The following OR1L6 variants were observed in gnomAD, a reference collection of about 807,000 sequenced individuals.
OR1L6 encodes olfactory receptor 1L6.
A neutral mutation model predicts 3.0 loss-of-function variants in OR1L6; 2 were observed. The ratio of observed to expected loss-of-function variants is 0.68; its 90% CI spans 0.28 to 2.13. OR1L6 has a LOEUF of 2.13. OR1L6 is among the 30% of genes most tolerant of loss of function. The probability of loss-of-function intolerance (pLI) is 0.14; values close to 1 mark genes in which losing one functional copy is unlikely to be tolerated. For synonymous variants in OR1L6, 121 were observed against 148.4 expected (o/e 0.82, Z 1.34); for missense variants, 304 against 378.4 (o/e 0.80, Z 1.63).
In OR1L6 at chr9:122,744,408, T is replaced by C. The variant is rs531950367; in HGVS notation, c.-14+2035T>C. ...TGGTTTCATTTGGGCTGACAATGTG[T>C]ACTCCCTGGTTTCATTGGGCCAAGA... On this transcript the variant is annotated intron_variant, in intron 1 of 1. Transcript: ENST00000304720. Among the ~76,000 whole-genome samples, 3 of 152,270 alleles carry C rather than the reference T, an allele frequency of 2.0e-5. No homozygotes were observed. In the East Asian group the frequency reaches 5.8e-4, roughly 29 times the overall value.
chr9:122,743,596 A>G (rs1221000164), intron 1 of OR1L6, among the ~76,000 whole-genome samples: 1 of 152,156 alleles, frequency 6.6e-6, no homozygotes, highest in Non-Finnish European at 1.5e-5. Context: ...AAAAGACAGT[A>G]AGCAAGAAGA....
chr9:122,742,943 C>T (rs1285987633), intron 1 of OR1L6, among the ~76,000 whole-genome samples: 3 of 152,190 alleles, frequency 2.0e-5, no homozygotes, highest in African/African-American at 4.8e-5. Context: ...ATATTGTGAG[C>T]TCCTTGTCTC....
chr9:122,748,525 C>T (rs1006748010), intron 1 of OR1L6, among the ~76,000 whole-genome samples: 2 of 152,124 alleles, frequency 1.3e-5, no homozygotes, highest in East Asian at 1.9e-4. Flanking sequence ...ATGGAAAAAT[C>T]TTTATCTTTC....
intron 1 of OR1L6, among the ~76,000 whole-genome samples, chr9:122,744,272 G>C (rs770072109): frequency 1.3e-5 from 2 of 152,146 alleles, no homozygotes; most frequent in Non-Finnish European, 2.9e-5. Context: ...TGCCCACCCA[G>C]CATCCCAATT....
At chr9:122,745,834 TA>T (rs911142788) in intron 1 of OR1L6, among the ~76,000 whole-genome samples, 6 of 151,960 alleles carry the variant, frequency 3.9e-5, no homozygotes, top group African/African-American at 1.4e-4. Context: ...ACAAACACAT[TA>T]AAAAAAATAC....
intron 1 of OR1L6, among the ~76,000 whole-genome samples, chr9:122,747,932 T>A (rs943597237): frequency 2.0e-5 from 3 of 152,148 alleles, no homozygotes; most frequent in Admixed American, 6.5e-5. Context: ...TCTGCTCTTT[T>A]CATGATATTG....
At chr9:122,747,278 A>T (rs1466167507) in intron 1 of OR1L6, among the ~76,000 whole-genome samples, 2 of 152,254 alleles carry the variant, frequency 1.3e-5, no homozygotes, top group African/African-American at 4.8e-5. Flanking sequence ...ACAGATCTAC[A>T]AAATTCTTTA....
chr9:122,747,514 T>A (rs1828848018), intron 1 of OR1L6, among the ~76,000 whole-genome samples: 1 of 152,094 alleles, frequency 6.6e-6, no homozygotes, highest in Non-Finnish European at 1.5e-5. Context: ...TGAATTTTAT[T>A]AATTTGAGAA....
Position 122,750,708 on chromosome 9 carries a change from C to T in OR1L6, c.861C>T (p.Asn287=), listed in dbSNP as rs1477934915. 3 of 1,613,592 alleles carry T rather than the reference C, an allele frequency of 1.9e-6. No individual in the cohort carries two copies. The highest frequency in any genetic ancestry group is 2.5e-6 in the Non-Finnish European group (3 of 1,180,012). ...VMYTVVTPML[N]PFIYSLRNKD... ...ACACAGTAGTGACACCCATGCTGAA[C>T]CCTTTCATCTACAGCCTGAGGAACA... Residue 287 remains asparagine (N), a synonymous_variant, in exon 2 of 2, where the codon AAC becomes AAT. Coordinates refer to ENST00000304720, the MANE Select transcript of OR1L6 (RefSeq NM_001004453.3).
Position 122,750,361 on chromosome 9 carries a change from T to C in OR1L6, c.514T>C (p.Ser172Pro), listed in dbSNP as rs780979709. 2 of 1,613,556 alleles carry C rather than the reference T, an allele frequency of 1.2e-6. No individual in the cohort carries two copies. The highest frequency in any genetic ancestry group is 1.7e-6 in the Non-Finnish European group (2 of 1,179,676). ...LLMSRLSFCA[S>P]HIIKHFFCDT... ...TATGTCTCGCTTGTCTTTCTGTGCC[T>C]CTCACATCATTAAGCACTTTTTCTG... is the stretch of plus-strand genomic sequence containing the variant. The change falls in exon 2 of 2, where the codon TCT becomes CCT. Residue 172 changes from serine (S) to proline (P), a missense_variant. Ser to Pro is a moderately conservative substitution (Grantham distance 74, BLOSUM62 -1). Around this residue, in one of 3 missense-constraint regions of OR1L6, gnomAD observed 192 missense variants for 242.7 expected, o/e 0.79. Coordinates refer to ENST00000304720, the MANE Select transcript of OR1L6 (RefSeq NM_001004453.3).
Position 122,750,333 on chromosome 9 carries a change from A to C in OR1L6, c.486A>C (p.Leu162=). 1 of 1,613,660 alleles carries C rather than the reference A, an allele frequency of 6.2e-7. No individual in the cohort carries two copies. Among genetic ancestry groups the C allele is most frequent in the Non-Finnish European group, 8.5e-7 (1 of 1,179,842 alleles). ...ISHLHSLFRV[L]LMSRLSFCAS... ...ACCTACATTCCCTGTTCCGCGTGCT[A>C]CTTATGTCTCGCTTGTCTTTCTGTG... Residue 162 remains leucine, a synonymous_variant, in exon 2 of 2, where the codon CTA becomes CTC. Coordinates refer to ENST00000304720, the MANE Select transcript of OR1L6 (RefSeq NM_001004453.3).
intron 1 of OR1L6, among the ~76,000 whole-genome samples, chr9:122,748,416 G>C (rs1476888269): frequency 6.6e-6 from 1 of 151,896 alleles, no homozygotes; most frequent in African/African-American, 2.4e-5. Flanking sequence ...AAAAAAAGAA[G>C]CTAAGAAGTT....
intron 1 of OR1L6, among the ~76,000 whole-genome samples, chr9:122,748,596 T>C (rs10732389): frequency 0.86 from 130,550 of 152,034 alleles, 57,723 homozygotes; most frequent in Non-Finnish European, 0.96. Flanking sequence ...TGTGCAGCGG[T>C]CAAGTTAGGG....
chr9:122,749,721 AC>A, intron 1 of OR1L6, 113 bp from the exon 2 acceptor site: 2 of 1,018,396 alleles, frequency 2.0e-6, no homozygotes, highest in Non-Finnish European at 3.0e-6. Flanking sequence ...GAAAAAAAAA[AC>A]AACCGTAACA....
intron 1 of OR1L6, among the ~76,000 whole-genome samples, chr9:122,749,148 G>C (rs1483516842): frequency 2.0e-5 from 3 of 152,068 alleles, no homozygotes; most frequent in African/African-American, 4.8e-5. Context: ...TGCTATTTTG[G>C]CTGCTATAGC....
At chr9:122,746,405 C>G (rs1226171970) in intron 1 of OR1L6, among the ~76,000 whole-genome samples, 1 of 152,092 alleles carries the variant, frequency 6.6e-6, no homozygotes, top group Non-Finnish European at 1.5e-5. Context: ...TAACATTACC[C>G]ATCTTATTTC....
At chr9:122,744,760 C>T (rs1828818452) in intron 1 of OR1L6, among the ~76,000 whole-genome samples, 1 of 152,170 alleles carries the variant, frequency 6.6e-6, no homozygotes, top group African/African-American at 2.4e-5. Flanking sequence ...ACTCAACTGT[C>T]ATTTGACAGC....
chr9:122,748,469 A>T (rs987035816), intron 1 of OR1L6, among the ~76,000 whole-genome samples: 1 of 152,180 alleles, frequency 6.6e-6, no homozygotes. Context: ...AAGGGAAATG[A>T]GAAGAACTCA....
At chr9:122,747,155 CA>C (rs1306853358) in intron 1 of OR1L6, among the ~76,000 whole-genome samples, 1 of 152,078 alleles carries the variant, frequency 6.6e-6, no homozygotes, top group Non-Finnish European at 1.5e-5. Flanking sequence ...CCAATTGTGA[CA>C]AATATCATTA....
Sources: gnomAD v4.1 joint callset for allele counts (sites outside exome capture counted in the v4.1 genomes callset) on GRCh38, gnomAD v4.1.1 for gene constraint, gnomAD v4.1.1 regional missense constraint, MANE v1.5 for transcripts, NCBI Gene and HGNC (gene_info 2026-07-23, HGNC 2026-07-21) for gene names.